NTRK3: variants seen among roughly 807,000 people sequenced by gnomAD.
The protein encoded by NTRK3 is neurotrophic receptor tyrosine kinase 3.
NTRK3 carries 24 observed loss-of-function variants against 91.7 expected under a neutral mutation model. The ratio of observed to expected loss-of-function variants is 0.26; its 90% confidence interval spans 0.19 to 0.37. The LOEUF (loss-of-function observed/expected upper bound fraction) is 0.37. NTRK3 is among the 10% of genes least tolerant of loss of function. The pLI, the probability that NTRK3 is intolerant of heterozygous loss-of-function variation, is 1.00. For synonymous variants in NTRK3, 483 were observed against 404.0 expected (o/e 1.20, Z -2.34); for missense variants, 880 against 1,068.9 (o/e 0.82, Z 2.46).
chr15:88,007,271 C>A (rs2076560568), intron 14 of NTRK3, among the ~76,000 whole-genome samples: 1 of 152,210 alleles, frequency 6.6e-6, no homozygotes, highest in Non-Finnish European at 1.5e-5. Flanking sequence ...TAGTCCAAGA[C>A]ACATAACCAG....
chr15:88,155,188 C>G (rs1457750675), intron 5 of NTRK3, among the ~76,000 whole-genome samples: 1 of 152,168 alleles, frequency 6.6e-6, no homozygotes, highest in Non-Finnish European at 1.5e-5. Flanking sequence ...TGAATTATCC[C>G]ATGGTCCCAA....
intron 14 of NTRK3, among the ~76,000 whole-genome samples, chr15:87,993,022 T>C (rs745661857): frequency 2.0e-5 from 3 of 152,308 alleles, no homozygotes; most frequent in Non-Finnish European, 4.4e-5. Flanking sequence ...GCATTTCTCC[T>C]TCTAAGGACT....
rs571077137 is a variant in NTRK3, at chr15:88,119,447, G to A, written c.1396+6824C>T. Among the ~76,000 whole-genome samples the A allele has an allele frequency of 6.6e-5, 10 of 152,302 alleles. No homozygotes were observed. The South Asian group carries it at 2.1e-3, about 32-fold the overall frequency. ...TTGTCAAATACTAGGCATTTTTGAG[G>A]AAGCGGGGTGGTTGGAAGGTCTGTC... is the stretch of plus-strand genomic sequence containing the variant. On this transcript the variant is annotated intron_variant, in intron 13 of 18. Transcript: ENST00000394480.
intron 17 of NTRK3, among the ~76,000 whole-genome samples, chr15:87,908,731 T>A (rs150152559): frequency 6.6e-6 from 1 of 152,134 alleles, no homozygotes; most frequent in Admixed American, 6.5e-5. Flanking sequence ...TTGTCCTGCA[T>A]CATTAGGGAG....
intron 3 of NTRK3, among the ~76,000 whole-genome samples, chr15:88,228,739 A>T (rs2050903131): frequency 6.6e-6 from 1 of 152,184 alleles, no homozygotes; most frequent in African/African-American, 2.4e-5. Flanking sequence ...ACAGAGGGGA[A>T]CTGGAGGTCT....
At chr15:87,968,224 T>C (rs1044163429) in intron 14 of NTRK3, among the ~76,000 whole-genome samples, 2 of 152,216 alleles carry the variant, frequency 1.3e-5, no homozygotes, top group Non-Finnish European at 2.9e-5. Context: ...TCAGTTTTAA[T>C]TTCAAATGCA....
chr15:87,881,541 T>C (rs980565477), intron 17 of NTRK3, among the ~76,000 whole-genome samples: 5 of 151,974 alleles, frequency 3.3e-5, no homozygotes, highest in Non-Finnish European at 7.4e-5. Context: ...TGCCTCAGCC[T>C]CCCGAGTAGC....
intron 13 of NTRK3, among the ~76,000 whole-genome samples, chr15:88,091,526 C>A (rs781550552): frequency 6.6e-6 from 1 of 152,212 alleles, no homozygotes; most frequent in African/African-American, 2.4e-5. Context: ...TCAAGCCTAA[C>A]AGTGCCATGA....
At chr15:87,927,693 GC>G (rs1227570947) in intron 17 of NTRK3, 4 of 152,120 alleles carry the variant, frequency 2.6e-5, no homozygotes, top group Non-Finnish European at 2.9e-5. Flanking sequence ...TAACCCTTCT[GC>G]CATATGGAGA....
intron 17 of NTRK3, 137 bp downstream of exon 17, chr15:87,929,054 T>C: frequency 7.7e-7 from 1 of 1,302,168 alleles, no homozygotes; most frequent in Non-Finnish European, 1.1e-6. Context: ...GGCCAAAAGA[T>C]AACTGTTGAG....
rs79236819 is a variant in NTRK3 at position 88,243,065 on chromosome 15, C to T, written c.248+12841G>A. ...CTAAAAATTAGGCCCTTCTTTCCACCCTCTTCCTTCAACACCAGGGACTTT... is the reference window on the plus strand; with the variant it reads ...CTAAAAATTAGGCCCTTCTTTCCACTCTCTTCCTTCAACACCAGGGACTTT... On this transcript the variant is annotated intron_variant, in intron 3 of 18. Transcript: ENST00000394480. This position sits in a 1 kb window ranked among gnomAD's most constrained non-coding sequence, Gnocchi z 4.8. Among the ~76,000 whole-genome samples, 806 of 152,284 alleles carry T rather than the reference C, an allele frequency of 5.3e-3. 5 individuals are homozygous for T. Among genetic ancestry groups the T allele is most frequent in the African/African-American group, 0.019 (771 of 41,558 alleles).
rs142187529 is a variant in NTRK3 at position 88,086,588 on chromosome 15, T to G, written c.1396+39683A>C. Among the ~76,000 whole-genome samples, 1,401 of 152,284 alleles carry G rather than the reference T, an allele frequency of 9.2e-3. 8 individuals are homozygous for G. Among genetic ancestry groups the G allele is most frequent in the Non-Finnish European group, 0.014 (972 of 68,018 alleles). On this transcript the variant is annotated intron_variant, in intron 13 of 18. Coordinates refer to ENST00000394480, the Ensembl canonical transcript of NTRK3. ...CTCGTATTCTGATTAGACAGCACTG[T>G]GCCAGACTCTAGACCTAAATTTGGT...
At chr15:88,187,672 C>T (rs578038455) in intron 3 of NTRK3, among the ~76,000 whole-genome samples, 1 of 152,258 alleles carries the variant, frequency 6.6e-6, no homozygotes, top group East Asian at 1.9e-4. Flanking sequence ...TCAATCAATA[C>T]TGCCTGCAAA....
At chr15:88,156,419 G>A (rs1471038282) in intron 5 of NTRK3, among the ~76,000 whole-genome samples, 1 of 152,104 alleles carries the variant, frequency 6.6e-6, no homozygotes, top group African/African-American at 2.4e-5. Context: ...AATGACATCA[G>A]CCTCCTGTTT....
chr15:88,059,841 C>A (rs1450913077), intron 13 of NTRK3, among the ~76,000 whole-genome samples: 1 of 152,182 alleles, frequency 6.6e-6, no homozygotes, highest in Non-Finnish European at 1.5e-5. Context: ...GTCATTAGGG[C>A]AAGCCCTAAC....
rs879080380 is a variant in NTRK3, at chr15:87,863,994, T to TAC, written c.*12939_*12940dup. The TAC allele has an allele frequency of 4.8e-3, 1,048 of 218,352 alleles. 1 individual carries two copies. The highest frequency in any genetic ancestry group is 9.4e-3 in the Middle Eastern group (7 of 742). The allele number at this position is 218,352 out of a possible 1,614,324, so 13.5% of individuals were successfully genotyped here. A position where few individuals can be genotyped will look rare whatever the true frequency, so the allele number is the denominator to read the frequency against. Reference sequence around the variant, plus strand: ...CAAAATACACACACACACACACACATACACACACACACACACACACACACA... The same window carrying TAC: ...CAAAATACACACACACACACACACATACACACACACACACACACACACACACA... On this transcript the variant is annotated 3_prime_UTR_variant, in exon 19 of 19. Coordinates refer to ENST00000394480, the Ensembl canonical transcript of NTRK3.
intron 13 of NTRK3, among the ~76,000 whole-genome samples, chr15:88,044,328 T>C (rs2142181130): frequency 6.9e-6 from 1 of 144,494 alleles, no homozygotes; most frequent in African/African-American, 2.6e-5. Context: ...TGACACGATC[T>C]CGGCTCACTG....
chr15:88,195,970 C>T (rs1453937754), intron 3 of NTRK3, among the ~76,000 whole-genome samples: 1 of 152,190 alleles, frequency 6.6e-6, no homozygotes, highest in East Asian at 1.9e-4. Flanking sequence ...TTATAAAGCA[C>T]TTATCACTTC....
intron 17 of NTRK3, among the ~76,000 whole-genome samples, chr15:87,895,158 T>C (rs1325832323): frequency 6.6e-6 from 1 of 152,198 alleles, no homozygotes; most frequent in African/African-American, 2.4e-5. Context: ...CTTGTAGACA[T>C]AGAAACCTTG....
Sources: allele counts gnomAD v4.1 joint callset (sites outside exome capture counted in the v4.1 genomes callset), GRCh38; gene constraint gnomAD v4.1.1; non-coding constraint Gnocchi (gnomAD v3.1); transcripts MANE v1.5; gene names NCBI Gene and HGNC (gene_info 2026-07-23, HGNC 2026-07-21).